PSPC1: variants seen among roughly 807,000 people sequenced by gnomAD.
PSPC1 encodes paraspeckle protein 1.
Under a neutral mutation model 51.6 loss-of-function variants are expected in PSPC1, and 14 were observed. The observed-to-expected ratio is 0.27, with a 90% CI of 0.18 to 0.42. PSPC1 has a LOEUF of 0.42. Among genes scored for constraint, PSPC1 ranks in the 10% least tolerant of loss-of-function variants. The pLI is 1.00. For synonymous variants in PSPC1, 193 were observed against 231.9 expected (o/e 0.83, Z 1.53); for missense variants, 406 against 701.1 (o/e 0.58, Z 4.75).
intron 7 of PSPC1, chr13:19,675,487 C>T (rs973590709): frequency 1.3e-5 from 2 of 152,036 alleles, no homozygotes; most frequent in Non-Finnish European, 2.9e-5. Flanking sequence ...TTTTTAACCA[C>T]AGAAAATGTG....
chr13:19,754,761 C>T (rs1283148415), intron 3 of PSPC1, among the ~76,000 whole-genome samples: 1 of 151,960 alleles, frequency 6.6e-6, no homozygotes, highest in Non-Finnish European at 1.5e-5. Flanking sequence ...TTAAGTTTTG[C>T]TGATATCATT....
intron 3 of PSPC1, among the ~76,000 whole-genome samples, chr13:19,757,014 C>G (rs1051454565): frequency 1.3e-5 from 2 of 151,736 alleles, no homozygotes; most frequent in Admixed American, 6.6e-5. Flanking sequence ...CCTACAGTCC[C>G]AGCTACTTGG....
intron 5 of PSPC1, among the ~76,000 whole-genome samples, chr13:19,730,946 G>GA (rs1168386647): frequency 0.046 from 1,167 of 25,156 alleles, 79 homozygotes; most frequent in African/African-American, 0.085. Flanking sequence ...CCCTGTCTCA[G>GA]AAAAAAAAAA....
chr13:19,737,642 T>C (rs1884987792), intron 5 of PSPC1, among the ~76,000 whole-genome samples: 1 of 152,200 alleles, frequency 6.6e-6, no homozygotes, highest in Admixed American at 6.5e-5. Context: ...TTTGAGACTA[T>C]GCAAAAACCC....
At chr13:19,688,645 C>T (rs9508851) in intron 6 of PSPC1, among the ~76,000 whole-genome samples, 95,228 of 152,072 alleles carry the variant, frequency 0.63, 33,233 homozygotes, top group East Asian at 0.89. Flanking sequence ...ACGCTGGCTG[C>T]GTTTATCTTC....
intron 2 of PSPC1, among the ~76,000 whole-genome samples, chr13:19,760,238 ATGT>A (rs1887487378): frequency 6.6e-6 from 1 of 152,126 alleles, no homozygotes; most frequent in African/African-American, 2.4e-5. Context: ...GTTCTTAAAA[ATGT>A]TGGCCAGCAG....
chr13:19,770,358 T>C (rs999930452), intron 2 of PSPC1, among the ~76,000 whole-genome samples: 26 of 152,328 alleles, frequency 1.7e-4, no homozygotes, highest in African/African-American at 5.8e-4. Flanking sequence ...TACATATGTT[T>C]GTTAAAACTC....
At chr13:19,769,122 C>G (rs1322753248) in intron 2 of PSPC1, among the ~76,000 whole-genome samples, 1 of 149,944 alleles carries the variant, frequency 6.7e-6, no homozygotes, top group Non-Finnish European at 1.5e-5. Context: ...CTGGGTGACA[C>G]ATTAAGACTC....
At chr13:19,743,752 C>T (rs1304163112) in intron 4 of PSPC1, among the ~76,000 whole-genome samples, 1 of 152,074 alleles carries the variant, frequency 6.6e-6, no homozygotes, top group South Asian at 2.1e-4. Flanking sequence ...TAAACATGAC[C>T]GCAATTATTT....
downstream of PSPC1, chr13:19,671,934 A>G: frequency 6.5e-7 from 1 of 1,546,510 alleles, no homozygotes; most frequent in Non-Finnish European, 8.9e-7. Context: ...TCTCTTTGAC[A>G]GCAGTTTGGA....
intron 7 of PSPC1, among the ~76,000 whole-genome samples, chr13:19,706,480 C>A (rs989623310): frequency 1.3e-5 from 2 of 151,928 alleles, no homozygotes; most frequent in Non-Finnish European, 2.9e-5. Flanking sequence ...GCAACCGCAA[C>A]CAAATACAGA....
intron 6 of PSPC1, among the ~76,000 whole-genome samples, chr13:19,682,357 A>T (rs1372268306): frequency 2.6e-5 from 4 of 152,282 alleles, no homozygotes; most frequent in Non-Finnish European, 5.9e-5. Flanking sequence ...ACATTCACAG[A>T]TTATACATAG....
At chr13:19,684,825 G>C (rs1877678502) in intron 6 of PSPC1, among the ~76,000 whole-genome samples, 1 of 152,136 alleles carries the variant, frequency 6.6e-6, no homozygotes, top group Non-Finnish European at 1.5e-5. Context: ...ACTCCTCACT[G>C]GGGAACACTA....
rs1421049319 is a variant in PSPC1, at chr13:19,730,961, AAAAC to A, written c.1053-621_1053-618del. 5.5e-3 allele frequency among the ~76,000 whole-genome samples: 129 copies of A among 23,578 alleles called. 13 individuals carry two copies. Among genetic ancestry groups the A allele is most frequent in the Non-Finnish European group, 0.012 (82 of 6,684 alleles). 15.5% of individuals were successfully genotyped at this position (23,578 alleles called of 152,430 possible). A position where few individuals can be genotyped will look rare whatever the true frequency, so the allele number is the denominator to read the frequency against. On this transcript the variant is annotated intron_variant, in intron 5 of 8. Transcript: ENST00000338910. ...CCCTGTCTCAGAAAAAAAAAACAAA[AAAAC>A]AAAAAAAAAAAAAACAGAAAAAGTC...
chr13:19,780,116 C>T (rs1889765332), intron 1 of PSPC1, among the ~76,000 whole-genome samples: 1 of 76,710 alleles, frequency 1.3e-5, no homozygotes, highest in African/African-American at 3.8e-5. Context: ...CCCGGCCAGC[C>T]GCCCCGTCCG....
chr13:19,717,871 A>T (rs1373241745), intron 6 of PSPC1, among the ~76,000 whole-genome samples: 1 of 146,720 alleles, frequency 6.8e-6, no homozygotes. Flanking sequence ...GGGAGACTCC[A>T]CTTTAAAAAA....
At chr13:19,700,523 A>G (rs1005908171), downstream of PSPC1, among the ~76,000 whole-genome samples, 2 of 152,104 alleles carry the variant, frequency 1.3e-5, no homozygotes, top group Non-Finnish European at 2.9e-5. Flanking sequence ...TCAGTTTTTT[A>G]AAATCTGCAT....
intron 1 of PSPC1, among the ~76,000 whole-genome samples, chr13:19,776,007 C>T (rs1003538224): frequency 7.9e-5 from 12 of 151,446 alleles, no homozygotes; most frequent in Admixed American, 4.6e-4. Flanking sequence ...GCCGCGATCG[C>T]ACCACTGCAC....
chr13:19,767,717 T>A (rs1184118032), intron 2 of PSPC1, among the ~76,000 whole-genome samples: 1 of 152,068 alleles, frequency 6.6e-6, no homozygotes, highest in East Asian at 1.9e-4. Context: ...ACTGGAGACC[T>A]GCACGGTAAC....
Sources: allele counts gnomAD v4.1 joint callset (sites outside exome capture counted in the v4.1 genomes callset), GRCh38; gene constraint gnomAD v4.1.1; transcripts MANE v1.5; gene names NCBI Gene and HGNC (gene_info 2026-07-23, HGNC 2026-07-21).